The following UPB1 variants were observed in gnomAD, a reference collection of about 807,000 sequenced individuals.
The protein encoded by UPB1 is beta-ureidopropionase 1.
A neutral mutation model predicts 49.1 loss-of-function variants in UPB1; 40 were observed. The ratio of observed to expected loss-of-function variants is 0.81; its 90% CI spans 0.63 to 1.06. The LOEUF (loss-of-function observed/expected upper bound fraction) is 1.06, where lower values mean the gene tolerates loss of function less well. UPB1 is among the 50% of genes least tolerant of loss of function. The pLI, the probability that UPB1 is intolerant of heterozygous loss-of-function variation, is 0.00. For synonymous variants in UPB1, 207 were observed against 198.2 expected, an observed-to-expected ratio of 1.04 and a Z score of -0.38; for missense variants, 499 against 505.9, an observed-to-expected ratio of 0.99 and a Z score of 0.13.
intron 3 of UPB1, among the ~76,000 whole-genome samples, chr22:24,503,930 T>C (rs1042697773): frequency 3.9e-5 from 6 of 152,208 alleles, no homozygotes; most frequent in Non-Finnish European, 8.8e-5. Context: ...GGGTTTTCCT[T>C]GGGATACCGG....
chr22:24,515,982 AAAAC>A (rs915448159), intron 6 of UPB1, among the ~76,000 whole-genome samples: 82 of 139,484 alleles, frequency 5.9e-4, no homozygotes, highest in African/African-American at 2.4e-3. Context: ...CTCAAAAAAT[AAAAC>A]AAAACAAAAC....
chr22:24,500,147 AGAG>A lies in UPB1; in HGVS notation c.146_148del (p.Arg49_Glu50delinsLys), dbSNP rs2043965154. On this transcript the variant is annotated inframe_deletion, in exon 2 of 10. Transcript: ENST00000326010. ...CAGGGAAGCTTTCGAAGCTGCCTCCAGAGAAGACTTTGAACTGCAGGGATATGC... is the reference window on the plus strand; with the variant it reads ...CAGGGAAGCTTTCGAAGCTGCCTCCAAAGACTTTGAACTGCAGGGATATGC... The A allele has an allele frequency of 6.2e-7, 1 of 1,614,228 alleles. No individual in the cohort carries two copies. The highest frequency in any genetic ancestry group is 1.3e-5 in the African/African-American group (1 of 75,062).
At chr22:24,518,447 G>GCAA (rs2044334701) in intron 6 of UPB1, 1 of 152,216 alleles carries the variant, frequency 6.6e-6, no homozygotes, top group Non-Finnish European at 1.5e-5. Flanking sequence ...TGGATAAAAG[G>GCAA]CAACAGGTGG....
rs117578416 is a variant in UPB1, at chr22:24,501,273, G to A, written c.277-853G>A. Among the ~76,000 whole-genome samples the A allele has an allele frequency of 8.8e-4, 134 of 152,012 alleles. 1 individual carries two copies. The East Asian group carries it at 0.025, about 28-fold the overall frequency. ...AGCCTCTCAAAGGAGGAGACTATAG[G>A]CCTTGTGGAGAGTTTGTGCGCTCTG... On this transcript the variant is annotated intron_variant, in intron 2 of 9. Coordinates refer to ENST00000326010, the MANE Select transcript of UPB1 (RefSeq NM_016327.3).
chr22:24,500,585 CG>C (rs1181182411), intron 2 of UPB1, among the ~76,000 whole-genome samples: 1 of 152,232 alleles, frequency 6.6e-6, no homozygotes, highest in Non-Finnish European at 1.5e-5. Context: ...GTGCTCTCCA[CG>C]GGACGCTGCC....
At chr22:24,498,057 G>A (rs1175501880) in intron 1 of UPB1, among the ~76,000 whole-genome samples, 1 of 152,188 alleles carries the variant, frequency 6.6e-6, no homozygotes, top group Non-Finnish European at 1.5e-5. Flanking sequence ...TGAATGCTAT[G>A]AAGTCCAAGA....
At chr22:24,519,173 A>G (rs1050845993) in intron 6 of UPB1, among the ~76,000 whole-genome samples, 14 of 151,496 alleles carry the variant, frequency 9.2e-5, no homozygotes, top group Non-Finnish European at 1.2e-4. Flanking sequence ...CAGCTGGGGG[A>G]AAAAAGCAGC....
intron 7 of UPB1, 142 bp downstream of exon 7, chr22:24,520,610 T>C (rs1374426675): frequency 3.2e-6 from 3 of 923,954 alleles, no homozygotes; most frequent in Admixed American, 2.3e-5. Flanking sequence ...TTTCAAGATA[T>C]CTCTGTCCTC....
At chr22:24,502,968 C>G (rs2044021289) in intron 3 of UPB1, 2 of 163,688 alleles carry the variant, frequency 1.2e-5, no homozygotes, top group Non-Finnish European at 2.7e-5. Context: ...CTCACTGCAG[C>G]CTTGATCCCA....
At chr22:24,496,098 C>A (rs1039461433) in intron 1 of UPB1, among the ~76,000 whole-genome samples, 3 of 152,074 alleles carry the variant, frequency 2.0e-5, no homozygotes, top group Non-Finnish European at 4.4e-5. Flanking sequence ...ACTTCCTGGC[C>A]GGGCTCACAC....
chr22:24,499,978 ACTGAG>A (rs1374597682), intron 1 of UPB1, 124 bp from the exon 2 acceptor site: 2 of 1,418,190 alleles, frequency 1.4e-6, no homozygotes, highest in Admixed American at 3.6e-5. Context: ...GGGCCCTGGC[ACTGAG>A]CGCCTTCTAG....
chr22:24,502,796 A>C, intron 3 of UPB1: 2 of 453,694 alleles, frequency 4.4e-6, no homozygotes, highest in Non-Finnish European at 7.9e-6. Flanking sequence ...ACTTCCCCCT[A>C]TGGAAGATGT....
intron 1 of UPB1, among the ~76,000 whole-genome samples, chr22:24,497,462 G>C (rs2043913595): frequency 1.3e-5 from 2 of 152,250 alleles, no homozygotes; most frequent in Admixed American, 1.3e-4. Context: ...AGAAGTGAGA[G>C]GTTGCTGAGG....
At chr22:24,522,912 C>G (rs550004827) in intron 8 of UPB1, among the ~76,000 whole-genome samples, 8 of 148,222 alleles carry the variant, frequency 5.4e-5, no homozygotes, top group African/African-American at 2.0e-4. Flanking sequence ...CCATTGCACT[C>G]CAGCCTGGGC....
At chr22:24,506,546 T>C (rs1378823210) in intron 3 of UPB1, among the ~76,000 whole-genome samples, 2 of 152,226 alleles carry the variant, frequency 1.3e-5, no homozygotes, top group Non-Finnish European at 2.9e-5. Context: ...ACCATCCTTG[T>C]TGGGTATATG....
Position 24,495,506 on chromosome 22 carries a change from A to G in UPB1, c.103A>G (p.Arg35Gly), listed in dbSNP as rs2043852748. The change falls in exon 1 of 10, where the codon AGG (arginine) becomes GGG (glycine). Residue 35 changes from arginine to glycine, a missense_variant and splice_region_variant. Arg to Gly is a moderately radical substitution (Grantham distance 125, BLOSUM62 -2). Coordinates refer to ENST00000326010, the MANE Select transcript of UPB1 (RefSeq NM_016327.3). ...GCGCGTTCTCTATGGCAAGGAACTC[A>G]GGTCCGCAGCCAAGAGGCTAAGCTA... is the stretch of plus-strand genomic sequence containing the variant. ...VKRVLYGKEL[R>G]KLDLPREAFE... 1.2e-6 allele frequency: 2 copies of G among 1,613,858 alleles called. No individual in the cohort carries two copies. Among genetic ancestry groups the G allele is most frequent in the Admixed American group, 1.7e-5 (1 of 59,998 alleles).
At position 24,526,690 on chromosome 22, in the gene UPB1, A is replaced by AT. The variant is rs1258193020; in HGVS notation, c.*903dup. On this transcript the variant is annotated 3_prime_UTR_variant, in exon 10 of 10. Coordinates refer to ENST00000326010, the MANE Select transcript of UPB1 (RefSeq NM_016327.3). ...GATGAGTTTTCTGCATTGGTTCTGG[A>AT]TTTTTTTAGAATTCTTCCCTAGTTT... The AT allele has an allele frequency of 3.9e-5, 6 of 152,268 alleles. No homozygotes were observed. The highest frequency in any genetic ancestry group is 3.9e-4 in the East Asian group (2 of 5,190). The allele number at this position is 152,268 out of a possible 1,614,324, so 9.4% of individuals were successfully genotyped here.
intron 3 of UPB1, among the ~76,000 whole-genome samples, chr22:24,506,781 A>G (rs2044099354): frequency 6.6e-6 from 1 of 152,182 alleles, no homozygotes; most frequent in South Asian, 2.1e-4. Context: ...AGTGCATGAC[A>G]GGCACTACAA....
At chr22:24,514,433 G>A (rs1160966487) in intron 5 of UPB1, among the ~76,000 whole-genome samples, 6 of 152,146 alleles carry the variant, frequency 3.9e-5, no homozygotes, top group Admixed American at 1.3e-4. Flanking sequence ...TGTTCACCAC[G>A]TGCACACATC....
Sources: gnomAD v4.1 joint callset for allele counts (sites outside exome capture counted in the v4.1 genomes callset) on GRCh38, gnomAD v4.1.1 for gene constraint, MANE v1.5 for transcripts, NCBI Gene and HGNC (gene_info 2026-07-23, HGNC 2026-07-21) for gene names.